The following PALM2AKAP2 variants were observed in gnomAD, a reference collection of about 807,000 sequenced individuals.
PALM2AKAP2 encodes the protein PALM2 and AKAP2 fusion.
PALM2AKAP2 carries 37 observed loss-of-function variants against 71.5 expected under a neutral mutation model. The observed-to-expected ratio is 0.52, with a 90% CI of 0.40 to 0.68. The LOEUF (loss-of-function observed/expected upper bound fraction) is 0.68. Among genes scored for constraint, PALM2AKAP2 ranks in the 30% least tolerant of loss-of-function variants. The pLI is 0.00. For missense variants in PALM2AKAP2, 1,224 were observed against 1,191.8 expected (o/e 1.03, Z -0.40); for synonymous variants, 468 against 478.8 (o/e 0.98, Z 0.29).
At chr9:110,112,580 C>G (rs923229871) in intron 1 of PALM2AKAP2, among the ~76,000 whole-genome samples, 1 of 152,226 alleles carries the variant, frequency 6.6e-6, no homozygotes, top group South Asian at 2.1e-4. Flanking sequence ...CAAGCACATG[C>G]AAATAGTTCT....
chr9:109,906,214 G>C (rs572999705), intron 3 of PALM2AKAP2, among the ~76,000 whole-genome samples: 6 of 152,194 alleles, frequency 3.9e-5, no homozygotes, highest in African/African-American at 1.4e-4. Flanking sequence ...TGCGGGGGTA[G>C]GGGGGATGGA....
In PALM2AKAP2 at chr9:109,803,222, C is replaced by A. The variant is rs1188819107; in HGVS notation, c.45+22689C>A. Among the ~76,000 whole-genome samples, 3 of 152,152 alleles carry A rather than the reference C, an allele frequency of 2.0e-5. No homozygotes were observed. In the East Asian group the frequency reaches 5.8e-4, roughly 29 times the overall value. ...TAGCATATCTTAGAATTGACGAAAT[C>A]TAGTAATTGTCACTGTGAATTATTG... On this transcript the variant is annotated intron_variant, in intron 1 of 9. Transcript: ENST00000302798.
intron 1 of PALM2AKAP2, among the ~76,000 whole-genome samples, chr9:109,753,076 C>A (rs769670916): frequency 6.6e-6 from 1 of 152,056 alleles, no homozygotes; most frequent in Admixed American, 6.6e-5. Context: ...ATTGGTGAAC[C>A]AAGATGCCAC....
At chr9:110,150,476 C>CAGATCTCTCT (rs887092884) in intron 2 of PALM2AKAP2, among the ~76,000 whole-genome samples, 1 of 152,212 alleles carries the variant, frequency 6.6e-6, no homozygotes. Flanking sequence ...GCAGCATCTT[C>CAGATCTCTCT]AGATCTCTCT....
At chr9:109,933,125 T>C (rs1831145356) in intron 6 of PALM2AKAP2, among the ~76,000 whole-genome samples, 1 of 152,250 alleles carries the variant, frequency 6.6e-6, no homozygotes, top group Non-Finnish European at 1.5e-5. Flanking sequence ...GTCCTAGAGA[T>C]GGTTGGGACT....
intron 1 of PALM2AKAP2, among the ~76,000 whole-genome samples, chr9:109,666,355 G>A (rs1827485574): frequency 6.6e-6 from 1 of 152,116 alleles, no homozygotes; most frequent in Admixed American, 6.5e-5. Context: ...AAATGCAGTT[G>A]GAGGTCTTTT....
chr9:109,687,377 C>T (rs1218626842), intron 1 of PALM2AKAP2, among the ~76,000 whole-genome samples: 5 of 152,176 alleles, frequency 3.3e-5, no homozygotes, highest in Non-Finnish European at 5.9e-5. Context: ...TTAGTGAAGC[C>T]ACCTTCATTC....
rs188808461 is a variant in PALM2AKAP2, at chr9:109,687,238, A to G, written c.5+46372A>G. Among the ~76,000 whole-genome samples the G allele has an allele frequency of 9.8e-5, 15 of 152,306 alleles. No individual in the cohort carries two copies. The East Asian group carries it at 2.5e-3, about 25-fold the overall frequency. On this transcript the variant is annotated intron_variant, in intron 1 of 6. Transcript: ENST00000374531. ...AGTCACCAGCTATATTAGCCCCCAA[A>G]AAGAGAGTCAGCCTGTCCTTTGAAA...
At chr9:110,026,036 A>G (rs890472785) in intron 7 of PALM2AKAP2, among the ~76,000 whole-genome samples, 1 of 151,978 alleles carries the variant, frequency 6.6e-6, no homozygotes, top group Non-Finnish European at 1.5e-5. Flanking sequence ...CAGGGGTTGC[A>G]TCAATCTCTC....
intron 6 of PALM2AKAP2, among the ~76,000 whole-genome samples, chr9:109,954,647 T>G (rs929100249): frequency 8.5e-5 from 8 of 94,306 alleles, no homozygotes; most frequent in Non-Finnish European, 1.6e-4. Flanking sequence ...ACCCTAAAAC[T>G]TAAAGTATAA....
At chr9:109,854,954 A>G (rs571819529) in intron 1 of PALM2AKAP2, among the ~76,000 whole-genome samples, 185 of 151,800 alleles carry the variant, frequency 1.2e-3, no homozygotes, top group African/African-American at 4.3e-3. Flanking sequence ...GCATTTTAGT[A>G]GGGACAGGGT....
chr9:110,163,051 A>G (rs1188361143), intron 3 of PALM2AKAP2, among the ~76,000 whole-genome samples: 2 of 152,146 alleles, frequency 1.3e-5, no homozygotes, highest in Non-Finnish European at 2.9e-5. Context: ...TTTCACAAAT[A>G]TATGTGCTAT....
At chr9:109,825,731 T>C (rs1828131080) in intron 1 of PALM2AKAP2, among the ~76,000 whole-genome samples, 1 of 152,176 alleles carries the variant, frequency 6.6e-6, no homozygotes, top group Non-Finnish European at 1.5e-5. Flanking sequence ...CTGGAGAGGA[T>C]GTGAAGAAAT....
At chr9:109,936,801 C>T (rs1831228631) in intron 6 of PALM2AKAP2, among the ~76,000 whole-genome samples, 1 of 152,210 alleles carries the variant, frequency 6.6e-6, no homozygotes, top group Admixed American at 6.5e-5. Context: ...CAGATCCTAT[C>T]TTTCTCCCTC....
chr9:109,664,587 G>T (rs7864798), intron 1 of PALM2AKAP2, among the ~76,000 whole-genome samples: 29,661 of 152,072 alleles, frequency 0.2, 3,478 homozygotes, highest in African/African-American at 0.33. Context: ...TCCCTTTGTG[G>T]GTAACTCAAC....
intron 6 of PALM2AKAP2, chr9:109,944,829 A>G (rs907533611): frequency 2.6e-5 from 4 of 152,204 alleles, no homozygotes; most frequent in Non-Finnish European, 4.4e-5. Flanking sequence ...ATTTAATAAA[A>G]TAACAATAGT....
At chr9:110,151,006 T>G (rs1330502313) in intron 2 of PALM2AKAP2, among the ~76,000 whole-genome samples, 1 of 152,160 alleles carries the variant, frequency 6.6e-6, no homozygotes, top group Non-Finnish European at 1.5e-5. Context: ...TAGGAAGATA[T>G]CTTGGTGTAG....
intron 1 of PALM2AKAP2, among the ~76,000 whole-genome samples, chr9:109,713,534 GTTAT>G (rs780918251): frequency 5.9e-5 from 9 of 151,978 alleles, no homozygotes; most frequent in Non-Finnish European, 7.4e-5. Context: ...TTAAAATAAG[GTTAT>G]TTAAGAATAA....
At chr9:109,948,459 C>T (rs1372034716) in intron 6 of PALM2AKAP2, among the ~76,000 whole-genome samples, 1 of 152,168 alleles carries the variant, frequency 6.6e-6, no homozygotes, top group Non-Finnish European at 1.5e-5. Flanking sequence ...TGCAGACTTT[C>T]TGCATCAAAG....
Sources: allele counts gnomAD v4.1 joint callset (sites outside exome capture counted in the v4.1 genomes callset), GRCh38; gene constraint gnomAD v4.1.1; transcripts MANE v1.5; gene names NCBI Gene and HGNC (gene_info 2026-07-23, HGNC 2026-07-21).